INPP5D: variants seen among roughly 807,000 people sequenced by gnomAD.
The protein encoded by INPP5D is phosphatidylinositol 3,4,5-trisphosphate 5-phosphatase 1.
In INPP5D, 33 loss-of-function variants were observed where a neutral mutation model predicts 122.9. That is an observed-to-expected ratio of 0.27 (90% confidence interval 0.20 to 0.36). The LOEUF is 0.36. INPP5D is among the 10% of genes least tolerant of loss of function. INPP5D has a pLI of 1.00. For missense variants in INPP5D, 1,053 were observed against 1,412.7 expected (o/e 0.75, Z 4.08); for synonymous variants, 584 against 576.2 (o/e 1.01, Z -0.19).
intron 21 of INPP5D, among the ~76,000 whole-genome samples, chr2:233,186,684 C>CTTTTTTTTTTTTT (rs144243823): frequency 1.6e-4 from 7 of 44,528 alleles, no homozygotes; most frequent in Non-Finnish European, 1.7e-4. Context: ...TTTTCTCTTT[C>CTTTTTTTTTTTTT]TTTTTTTTTT....
chr2:233,148,912 A>G (rs373670600), intron 9 of INPP5D, among the ~76,000 whole-genome samples: 3 of 152,166 alleles, frequency 2.0e-5, no homozygotes, highest in Non-Finnish European at 4.4e-5. Flanking sequence ...GGTTGCCACA[A>G]TTAGCAGATA....
At chr2:233,085,937 C>G (rs753887745) in intron 2 of INPP5D, among the ~76,000 whole-genome samples, 11 of 152,192 alleles carry the variant, frequency 7.2e-5, no homozygotes, top group Non-Finnish European at 1.3e-4. Flanking sequence ...AGATCATGGG[C>G]CTGTTTCCTG....
chr2:233,134,531 G>C (rs1408053955), intron 5 of INPP5D, among the ~76,000 whole-genome samples: 1 of 152,160 alleles, frequency 6.6e-6, no homozygotes, highest in Non-Finnish European at 1.5e-5. Context: ...CTCCTCTGCA[G>C]AAATGTTGTG....
intron 1 of INPP5D, among the ~76,000 whole-genome samples, chr2:233,066,649 C>T (rs933424967): frequency 6.6e-6 from 1 of 152,186 alleles, no homozygotes; most frequent in African/African-American, 2.4e-5. Flanking sequence ...CTCTGTTGCC[C>T]AGGCTGGAGT....
At chr2:233,134,933 T>C (rs1693426476) in intron 5 of INPP5D, among the ~76,000 whole-genome samples, 1 of 151,530 alleles carries the variant, frequency 6.6e-6, no homozygotes, top group African/African-American at 2.4e-5. Context: ...GTCAGAAACA[T>C]GTATATCAAA....
chr2:233,120,909 GA>G lies in INPP5D; in HGVS notation c.199-1191del, dbSNP rs1023963652. 4.6e-5 allele frequency among the ~76,000 whole-genome samples: 7 copies of G among 150,834 alleles called. No individual in the cohort carries two copies. The South Asian group carries it at 1.0e-3, about 22-fold the overall frequency. On this transcript the variant is annotated intron_variant, in intron 2 of 26. Transcript: ENST00000445964. The stretch of plus-strand genomic sequence containing the variant: ...TTTGACAAAAACAACTATAACAAAT[GA>G]AAAAAATAAAATAAAAATAAAAGCA...
intron 11 of INPP5D, 151 bp from the exon 12 acceptor site, chr2:233,163,556 G>C: frequency 7.1e-7 from 1 of 1,400,498 alleles, no homozygotes; most frequent in Non-Finnish European, 9.5e-7. Context: ...TTGGCGCCCA[G>C]GCCTCCATTG....
intron 21 of INPP5D, among the ~76,000 whole-genome samples, chr2:233,187,335 GA>G (rs542931515): frequency 6.6e-6 from 1 of 152,334 alleles, no homozygotes; most frequent in Admixed American, 6.5e-5. Flanking sequence ...CACCATGAGG[GA>G]GGGGTGGAAT....
At chr2:233,066,301 A>T (rs889078096) in intron 1 of INPP5D, among the ~76,000 whole-genome samples, 4 of 152,102 alleles carry the variant, frequency 2.6e-5, no homozygotes, top group Non-Finnish European at 5.9e-5. Flanking sequence ...CTGCACATGA[A>T]CCCTTGCGTC....
rs545512521 is a variant in INPP5D at position 233,138,090 on chromosome 2, G to A, written c.666-1752G>A. ...AAGTAGGCCGGGCCTGGTGGCTCAC[G>A]CCTCTAATCCCAGCACTTTGGGAAG... On this transcript the variant is annotated intron_variant, in intron 5 of 26. Coordinates refer to ENST00000445964, the MANE Select transcript of INPP5D (RefSeq NM_001017915.3). 3.6e-3 allele frequency among the ~76,000 whole-genome samples: 540 copies of A among 148,984 alleles called. 6 individuals are homozygous for A. Among genetic ancestry groups the A allele is most frequent in the African/African-American group, 0.013 (510 of 40,700 alleles).
At chr2:233,096,507 C>T (rs1170467484) in intron 2 of INPP5D, among the ~76,000 whole-genome samples, 2 of 152,090 alleles carry the variant, frequency 1.3e-5, no homozygotes, top group Non-Finnish European at 2.9e-5. Flanking sequence ...CAAAAATTAG[C>T]CAGGCGTGGT....
rs142500744 is a variant in INPP5D at position 233,112,878 on chromosome 2, G to A, written c.199-9229G>A. Among the ~76,000 whole-genome samples, 1,211 of 152,086 alleles carry A rather than the reference G, an allele frequency of 8.0e-3. 10 individuals are homozygous for A. Among genetic ancestry groups the A allele is most frequent in the African/African-American group, 0.028 (1,142 of 41,460 alleles). ...TCACCATGTTGGCCAGGCTGGTCTC[G>A]AACTTGGGACCTCAGGTGATCCACT... is the stretch of plus-strand genomic sequence containing the variant. On this transcript the variant is annotated intron_variant, in intron 2 of 26. Coordinates refer to ENST00000445964, the MANE Select transcript of INPP5D (RefSeq NM_001017915.3).
At chr2:233,140,090 C>T in intron 6 of INPP5D, 161 bp downstream of exon 6, 1 of 387,018 alleles carries the variant, frequency 2.6e-6, no homozygotes, top group East Asian at 3.7e-5. Context: ...GGAGCCTCAG[C>T]CCCTGCCCTT....
At chr2:233,179,113 A>G (rs1411696550) in intron 18 of INPP5D, among the ~76,000 whole-genome samples, 1 of 152,222 alleles carries the variant, frequency 6.6e-6, no homozygotes, top group Non-Finnish European at 1.5e-5. Flanking sequence ...CACTAGACGA[A>G]CTTCACACAA....
At chr2:233,113,113 T>C (rs6705834) in intron 2 of INPP5D, among the ~76,000 whole-genome samples, 54,345 of 151,948 alleles carry the variant, frequency 0.36, 14,128 homozygotes, top group African/African-American at 0.74. Flanking sequence ...CCATGTATTA[T>C]CCCCAAGAAG....
intron 11 of INPP5D, 75 bp downstream of exon 11, chr2:233,161,901 G>C (rs752976341): frequency 6.5e-7 from 1 of 1,532,868 alleles, no homozygotes; most frequent in Non-Finnish European, 8.8e-7. Flanking sequence ...CTCAAGGTGG[G>C]GTGGAGTGAC....
intron 17 of INPP5D, among the ~76,000 whole-genome samples, chr2:233,174,114 C>T (rs915001333): frequency 1.3e-5 from 2 of 152,192 alleles, no homozygotes; most frequent in Non-Finnish European, 2.9e-5. Context: ...GAAGGACCTG[C>T]CTGAGGCTAT....
chr2:233,165,632 CTA>C lies in INPP5D; in HGVS notation c.1555+1210_1555+1211del, dbSNP rs774981557. ...TGTGTGTGAGTGTACCACCCCGTAT[CTA>C]TGAGTGTGTGAGAGTCCATGCATGT... On this transcript the variant is annotated intron_variant, in intron 13 of 26. Coordinates refer to ENST00000445964, the MANE Select transcript of INPP5D (RefSeq NM_001017915.3). 5.5e-4 allele frequency among the ~76,000 whole-genome samples: 83 copies of C among 149,560 alleles called. 1 individual carries two copies. The highest frequency in any genetic ancestry group is 2.7e-4 in the Admixed American group (4 of 14,956).
At chr2:233,065,742 A>G (rs1691205722) in intron 1 of INPP5D, among the ~76,000 whole-genome samples, 1 of 150,940 alleles carries the variant, frequency 6.6e-6, no homozygotes, top group African/African-American at 2.4e-5. Flanking sequence ...CACCTCCAGG[A>G]TTCAAGCAAT....
Sources: gnomAD v4.1 joint callset for allele counts (sites outside exome capture counted in the v4.1 genomes callset) on GRCh38, gnomAD v4.1.1 for gene constraint, MANE v1.5 for transcripts, NCBI Gene and HGNC (gene_info 2026-07-23, HGNC 2026-07-21) for gene names.